DHX57: variants seen among roughly 807,000 people sequenced by gnomAD.
The protein encoded by DHX57 is putative ATP-dependent RNA helicase DHX57.
A neutral mutation model predicts 156.2 loss-of-function variants in DHX57; 105 were observed. That is an observed-to-expected ratio of 0.67 (90% CI 0.57 to 0.79). DHX57 has a LOEUF of 0.79. Among genes scored for constraint, DHX57 ranks in the 30% least tolerant of loss-of-function variants. DHX57 has a pLI of 0.00. For missense variants in DHX57, 1,847 were observed against 1,661.9 expected (o/e 1.11, Z -1.94); for synonymous variants, 704 against 595.6 (o/e 1.18, Z -2.65).
chr2:38,854,563 T>TG (rs1451040484), intron 8 of DHX57: 1,954 of 140,756 alleles, frequency 0.014, 9 homozygotes, highest in Non-Finnish European at 0.02. Flanking sequence ...AGAGTTTTTT[T>TG]TTTTTTTTTT....
intron 11 of DHX57, among the ~76,000 whole-genome samples, chr2:38,845,867 T>G (rs568813150): frequency 0.01 from 692 of 68,614 alleles, 5 homozygotes; most frequent in Admixed American, 0.019. Flanking sequence ...ATAGCTAACT[T>G]TTTTTTTTTT....
intron 6 of DHX57, among the ~76,000 whole-genome samples, chr2:38,858,455 T>C (rs1673014476): frequency 6.6e-6 from 1 of 152,218 alleles, no homozygotes; most frequent in African/African-American, 2.4e-5. Flanking sequence ...CATATATGTG[T>C]GTGTTTGCTA....
intron 9 of DHX57, chr2:38,852,932 G>A (rs982403340): frequency 6.5e-6 from 1 of 153,868 alleles, no homozygotes; most frequent in Non-Finnish European, 1.4e-5. Context: ...CTACACAGCA[G>A]GTGCACTGGG....
At chr2:38,816,217 T>C (rs1558361583) in intron 19 of DHX57, 2 of 469,836 alleles carry the variant, frequency 4.3e-6, no homozygotes, top group Non-Finnish European at 8.8e-6. Context: ...AGTGATTCAA[T>C]ATTTTTTTTT....
intron 9 of DHX57, among the ~76,000 whole-genome samples, chr2:38,852,646 T>C (rs1026632825): frequency 4.6e-5 from 7 of 150,800 alleles, no homozygotes; most frequent in African/African-American, 1.2e-4. Context: ...TCTCATGATA[T>C]TTCCCAGGCT....
intron 9 of DHX57, among the ~76,000 whole-genome samples, chr2:38,849,735 T>G (rs1291199202): frequency 6.6e-6 from 1 of 152,302 alleles, no homozygotes; most frequent in South Asian, 2.1e-4. Context: ...CTTTGAGGCA[T>G]GCACCTTGGG....
intron 15 of DHX57, 24 bp downstream of exon 15, chr2:38,826,492 T>C: frequency 1.2e-6 from 2 of 1,608,178 alleles, no homozygotes; most frequent in Non-Finnish European, 1.7e-6. Flanking sequence ...AGCCCCTCTC[T>C]TACATCACCA....
At chr2:38,809,034 G>C (rs1322880021) in intron 21 of DHX57, among the ~76,000 whole-genome samples, 1 of 152,128 alleles carries the variant, frequency 6.6e-6, no homozygotes, top group East Asian at 1.9e-4. Context: ...GGGCTACAGT[G>C]ATCCTCCTAT....
chr2:38,825,219 C>T (rs1351186922), intron 16 of DHX57, among the ~76,000 whole-genome samples: 1 of 152,134 alleles, frequency 6.6e-6, no homozygotes. Flanking sequence ...GGTACCTAGC[C>T]TTTTCTCACT....
chr2:38,800,208 G>A (rs1488969959), intron 23 of DHX57, among the ~76,000 whole-genome samples: 1 of 143,706 alleles, frequency 7.0e-6, no homozygotes, highest in East Asian at 2.0e-4. Flanking sequence ...AAAAAAAATA[G>A]CCGGGCTTGG....
intron 5 of DHX57, among the ~76,000 whole-genome samples, chr2:38,860,035 T>C (rs1261721179): frequency 6.6e-6 from 1 of 152,012 alleles, no homozygotes; most frequent in Non-Finnish European, 1.5e-5. Flanking sequence ...CCCAGGCTGG[T>C]CTCAAACTCC....
At chr2:38,858,357 C>T (rs1044511527) in intron 6 of DHX57, among the ~76,000 whole-genome samples, 23 of 152,240 alleles carry the variant, frequency 1.5e-4, no homozygotes, top group Non-Finnish European at 2.8e-4. Context: ...CCACCGTGCC[C>T]GGCCAGTAAA....
intron 9 of DHX57, among the ~76,000 whole-genome samples, chr2:38,850,645 T>C (rs1672537634): frequency 6.6e-6 from 1 of 152,094 alleles, no homozygotes; most frequent in African/African-American, 2.4e-5. Flanking sequence ...TTAGCTCTTT[T>C]TAATGAGCTA....
intron 14 of DHX57, among the ~76,000 whole-genome samples, chr2:38,828,086 C>T (rs566314812): frequency 6.6e-6 from 1 of 152,264 alleles, no homozygotes; most frequent in South Asian, 2.1e-4. Context: ...CAACTCCTGA[C>T]CTCAGGTGAT....
chr2:38,798,339 C>A lies in DHX57; in HGVS notation c.4121G>T (p.Arg1374Leu), dbSNP rs756904918. The A allele has an allele frequency of 1.2e-6, 2 of 1,613,784 alleles. No individual in the cohort carries two copies. Among genetic ancestry groups the A allele is most frequent in the East Asian group, 4.5e-5 (2 of 44,866 alleles). Residue 1374 changes from arginine (R) to leucine (L), a missense_variant, in exon 24 of 24, where the codon CGG (arginine) becomes CTG (leucine). Transcript: ENST00000457308. Reference protein sequence around the residue: ...IDLCTCPRGSRIISTIVKLVT... With the variant: ...IDLCTCPRGSLIISTIVKLVT... ...AAGTTTCACAATTGTGCTGATGATC[C>A]GGGATCCTCGAGGACACGTACACAG...
At chr2:38,842,641 G>C (rs182215651) in intron 12 of DHX57, among the ~76,000 whole-genome samples, 241 of 152,162 alleles carry the variant, frequency 1.6e-3, no homozygotes, top group Non-Finnish European at 2.9e-3. Flanking sequence ...TGGTGAATTG[G>C]GGTAAAGGAT....
At position 38,798,302 on chromosome 2, in the gene DHX57, T is replaced by C. The variant is rs1180737799; in HGVS notation, c.4158A>G (p.Gln1386=). The change falls in exon 24 of 24, where the codon CAA becomes CAG. Residue 1386 remains glutamine, a synonymous_variant. Transcript: ENST00000457308. ...ISTIVKLVTT[Q] is the part of the protein sequence containing the mutation. Reference sequence around the variant, plus strand: ...AAGCACTCTCTAAGACTGCTTTTTATTGTGTGGTGACAAGTTTCACAATTG... The same window carrying C: ...AAGCACTCTCTAAGACTGCTTTTTACTGTGTGGTGACAAGTTTCACAATTG... 2.5e-6 allele frequency: 4 copies of C among 1,612,368 alleles called. No homozygotes were observed. The highest frequency in any genetic ancestry group is 1.7e-6 in the Non-Finnish European group (2 of 1,179,446).
chr2:38,810,666 G>C (rs1670197226), intron 21 of DHX57: 1 of 683,294 alleles, frequency 1.5e-6, no homozygotes, highest in Non-Finnish European at 2.7e-6. Context: ...ACTTGGCAAT[G>C]CAGTGGTGGG....
rs1673245835 is a variant in DHX57, at chr2:38,861,914, T to C, written c.573-77A>G. The C allele has an allele frequency of 5.0e-5, 71 of 1,427,204 alleles. 1 individual carries two copies. The South Asian group carries it at 9.1e-4, about 18-fold the overall frequency. 88.4% of individuals were successfully genotyped at this position (1,427,204 alleles called of 1,614,324 possible). ...CATTACAGTAAAATTCATTTAAATA[T>C]GCTTAGATGAAGTTATGACTACACA... On this transcript the variant is annotated intron_variant, in intron 4 of 23. Transcript: ENST00000457308.
Sources: gnomAD v4.1 joint callset for allele counts (sites outside exome capture counted in the v4.1 genomes callset) on GRCh38, gnomAD v4.1.1 for gene constraint, MANE v1.5 for transcripts, NCBI Gene and HGNC (gene_info 2026-07-23, HGNC 2026-07-21) for gene names.